Variants in RGS9 observed in about 807,000 individuals in gnomAD.
The protein encoded by RGS9 is regulator of G protein signaling 9.
A neutral mutation model predicts 102.0 loss-of-function variants in RGS9; 78 were observed. The ratio of observed to expected loss-of-function variants is 0.76; its 90% CI spans 0.64 to 0.92. The LOEUF is 0.92. Among genes scored for constraint, RGS9 ranks in the 40% least tolerant of loss-of-function variants. RGS9 has a pLI of 0.00. For missense variants in RGS9, 833 were observed against 866.1 expected (o/e 0.96, Z 0.48); for synonymous variants, 353 against 318.6 (o/e 1.11, Z -1.15).
intron 17 of RGS9, among the ~76,000 whole-genome samples, chr17:65,212,541 T>G (rs1255788093): frequency 6.6e-6 from 1 of 151,828 alleles, no homozygotes; most frequent in Non-Finnish European, 1.5e-5. Flanking sequence ...TAGCTCAGAG[T>G]GAACCGAAAG....
intron 13 of RGS9, among the ~76,000 whole-genome samples, chr17:65,199,643 G>A (rs1020153914): frequency 3.3e-5 from 5 of 151,666 alleles, no homozygotes; most frequent in Admixed American, 6.6e-5. Flanking sequence ...ACAGGCGCCC[G>A]CCACCATGCC....
intron 8 of RGS9, among the ~76,000 whole-genome samples, chr17:65,169,789 A>G (rs1911341562): frequency 6.6e-6 from 1 of 152,014 alleles, no homozygotes; most frequent in Admixed American, 6.6e-5. Context: ...GCTGAATCAC[A>G]TAAATATGAC....
intron 1 of RGS9, among the ~76,000 whole-genome samples, chr17:65,149,954 A>T (rs1910512956): frequency 1.3e-5 from 2 of 152,190 alleles, no homozygotes; most frequent in Non-Finnish European, 2.9e-5. Flanking sequence ...TCATGAAAGG[A>T]TTTTGTAAAT....
At position 65,160,555 on chromosome 17, in the gene RGS9, C is replaced by A. The variant is rs182107771; in HGVS notation, c.332C>A (p.Thr111Asn). Residue 111 changes from threonine to asparagine, a missense_variant, in exon 5 of 19, where the codon ACC becomes AAC. This residue lies in a region of RGS9 where 328 missense variants were observed against 340.6 expected (regional missense o/e 0.96). Transcript: ENST00000262406. ...YRFQTPYFWP[T>N]QQWPAEDTDY... ...TTGCAGACACCGTATTTCTGGCCCA[C>A]CCAGCAGTGGCCAGCTGAAGATACC... is the stretch of plus-strand genomic sequence containing the variant. 1 of 1,614,236 alleles carries A rather than the reference C, an allele frequency of 6.2e-7. No individual in the cohort carries two copies. The highest frequency in any genetic ancestry group is 2.2e-5 in the East Asian group (1 of 44,894).
chr17:65,168,545 C>CTTTTTTTTT (rs5821624), intron 8 of RGS9, among the ~76,000 whole-genome samples: 1 of 85,274 alleles, frequency 1.2e-5, no homozygotes, highest in African/African-American at 4.6e-5. Context: ...AGGGCTGGGA[C>CTTTTTTTTT]TTTTTTTTTT....
chr17:65,208,136 G>A (rs1567889933), intron 16 of RGS9, 129 bp downstream of exon 16: 4 of 695,820 alleles, frequency 5.7e-6, no homozygotes, highest in Non-Finnish European at 1.0e-5. Flanking sequence ...GGGAAGTATT[G>A]CTCAGGGAAT....
chr17:65,210,085 C>T (rs568693962), intron 16 of RGS9, among the ~76,000 whole-genome samples: 2 of 152,122 alleles, frequency 1.3e-5, no homozygotes, highest in Admixed American at 6.5e-5. Context: ...CCCCGCTGCC[C>T]ACCCCCCAAC....
chr17:65,172,427 A>G (rs1598583873), intron 8 of RGS9, among the ~76,000 whole-genome samples: 1 of 151,330 alleles, frequency 6.6e-6, no homozygotes, highest in African/African-American at 2.4e-5. Context: ...CTGGTCTCGA[A>G]CTCCTGACTC....
Position 65,137,937 on chromosome 17 carries a change from C to T in RGS9, c.57+340C>T, listed in dbSNP as rs73345863. The stretch of plus-strand genomic sequence containing the variant: ...GTAAGACGACCAGATGTGACATTGC[C>T]ATTTTTGCCTTTTTTTTCTGATCCC... On this transcript the variant is annotated intron_variant, in intron 1 of 18. Transcript: ENST00000262406. 4.9e-3 allele frequency among the ~76,000 whole-genome samples: 742 copies of T among 152,218 alleles called. 7 individuals are homozygous for T. The highest frequency in any genetic ancestry group is 0.016 in the African/African-American group (685 of 41,520).
chr17:65,149,253 C>T (rs1188411636), intron 1 of RGS9, among the ~76,000 whole-genome samples: 4 of 152,160 alleles, frequency 2.6e-5, no homozygotes, highest in Non-Finnish European at 5.9e-5. Context: ...AGATTACAGG[C>T]ATGAGCCATC....
intron 14 of RGS9, among the ~76,000 whole-genome samples, chr17:65,202,514 C>T (rs746304852): frequency 6.6e-5 from 10 of 151,606 alleles, no homozygotes; most frequent in Non-Finnish European, 1.5e-4. Flanking sequence ...CTATTCCTCA[C>T]GCTTCCTTAG....
At chr17:65,190,049 G>A (rs1311775169) in intron 10 of RGS9, 126 bp from the exon 11 acceptor site, 11 of 799,918 alleles carry the variant, frequency 1.4e-5, no homozygotes, top group Non-Finnish European at 1.8e-5. Context: ...GTACTGAGGG[G>A]GCTGGCTCTG....
chr17:65,207,721 G>T (rs73994752), intron 15 of RGS9, among the ~76,000 whole-genome samples: 4,264 of 152,178 alleles, frequency 0.028, 203 homozygotes, highest in African/African-American at 0.096. Context: ...GAAGTTCCCA[G>T]GTGAAATTGA....
At chr17:65,143,625 TACAC>T (rs539811474) in intron 1 of RGS9, among the ~76,000 whole-genome samples, 1 of 149,906 alleles carries the variant, frequency 6.7e-6, no homozygotes, top group Non-Finnish European at 1.5e-5. Flanking sequence ...CTACCAAAAA[TACAC>T]ACACACACAC....
chr17:65,215,546 T>TTCTTTCTTTCTTTCTTTC (rs1478824196), intron 17 of RGS9, among the ~76,000 whole-genome samples: 1 of 135,524 alleles, frequency 7.4e-6, no homozygotes, highest in African/African-American at 3.2e-5. Context: ...CTTTCTTTCT[T>TTCTTTCTTTCTTTCTTTC]TTTTTTTGTT....
In RGS9 at chr17:65,167,746, G is replaced by A. The variant is rs543828683; in HGVS notation, c.501-454G>A. Among the ~76,000 whole-genome samples the A allele has an allele frequency of 3.9e-5, 6 of 152,298 alleles. No homozygotes were observed. The East Asian group carries it at 7.7e-4, about 20-fold the overall frequency. ...TGTCGACCCGGAAGTTCACCCATGC[G>A]CGCTGCTCTCTAATGTTGAAGTTGG... On this transcript the variant is annotated intron_variant, in intron 7 of 18. Coordinates refer to ENST00000262406, the MANE Select transcript of RGS9 (RefSeq NM_003835.4).
At chr17:65,153,074 C>T (rs554588611) in intron 1 of RGS9, among the ~76,000 whole-genome samples, 2 of 152,350 alleles carry the variant, frequency 1.3e-5, no homozygotes, top group African/African-American at 4.8e-5. Flanking sequence ...TTCCACTAAC[C>T]CTGGGAGCTG....
chr17:65,146,665 C>T (rs981577880), intron 1 of RGS9, among the ~76,000 whole-genome samples: 17 of 151,638 alleles, frequency 1.1e-4, no homozygotes, highest in South Asian at 2.1e-4. Flanking sequence ...GAGGCTGAGG[C>T]AGGCAGATCA....
intron 2 of RGS9, among the ~76,000 whole-genome samples, chr17:65,155,816 G>A (rs796921602): frequency 6.6e-6 from 1 of 152,194 alleles, no homozygotes; most frequent in South Asian, 2.1e-4. Flanking sequence ...GTGCTGGATG[G>A]TGGTGGTAGC....
Sources: allele counts gnomAD v4.1 joint callset (sites outside exome capture counted in the v4.1 genomes callset), GRCh38; gene constraint gnomAD v4.1.1; regional missense constraint gnomAD v4.1.1; transcripts MANE v1.5; gene names NCBI Gene and HGNC (gene_info 2026-07-23, HGNC 2026-07-21).